Variants in FUT9 observed in about 807,000 individuals in gnomAD.
FUT9 encodes the protein fucosyltransferase 9, also known as 4-galactosyl-N-acetylglucosaminide 3-alpha-L-fucosyltransferase 9.
FUT9 carries 15 observed loss-of-function variants against 29.7 expected under a neutral mutation model. The observed-to-expected ratio is 0.51, with a 90% confidence interval of 0.34 to 0.78. FUT9 has a LOEUF of 0.78. FUT9 is among the 30% of genes least tolerant of loss of function. FUT9 has a pLI of 0.01. For synonymous variants in FUT9, 169 were observed against 153.7 expected (o/e 1.10, Z -0.74); for missense variants, 319 against 425.4 (o/e 0.75, Z 2.20).
intron 1 of FUT9, among the ~76,000 whole-genome samples, chr6:96,109,310 C>A (rs1481299616): frequency 6.6e-6 from 1 of 152,074 alleles, no homozygotes; most frequent in Admixed American, 6.6e-5. Context: ...TTGGTCATTT[C>A]TTTGTTCTTT....
chr6:96,198,838 T>C (rs9391054), intron 2 of FUT9, among the ~76,000 whole-genome samples: 18,868 of 152,124 alleles, frequency 0.12, 1,409 homozygotes, highest in East Asian at 0.18. Context: ...TATCTCATTG[T>C]GGTTTTGATT....
chr6:96,037,552 A>T (rs572794829), intron 1 of FUT9: 1 of 152,054 alleles, frequency 6.6e-6, no homozygotes, highest in Non-Finnish European at 1.5e-5. Context: ...TTTGATATGG[A>T]TGAAGTTGGG....
intron 2 of FUT9, among the ~76,000 whole-genome samples, chr6:96,200,360 T>C (rs1773706443): frequency 6.6e-6 from 1 of 152,158 alleles, no homozygotes; most frequent in South Asian, 2.1e-4. Context: ...TTCACGTTTG[T>C]ATTATTTGTT....
chr6:96,197,774 A>G (rs1161950527), intron 2 of FUT9, among the ~76,000 whole-genome samples: 1 of 152,162 alleles, frequency 6.6e-6, no homozygotes, highest in Non-Finnish European at 1.5e-5. Flanking sequence ...TTGAAGAGGT[A>G]GGTAGTGGCT....
At chr6:96,051,012 CTGTG>C (rs57618987) in intron 1 of FUT9, among the ~76,000 whole-genome samples, 1 of 149,540 alleles carries the variant, frequency 6.7e-6, no homozygotes, top group Non-Finnish European at 1.5e-5. Flanking sequence ...CTCTCTCTCT[CTGTG>C]TGTGTGTGTG....
Position 96,213,739 on chromosome 6 carries a change from AT to A in FUT9, c.*9511del, listed in dbSNP as rs34697788. 1.2e-5 allele frequency: 2 copies of A among 166,756 alleles called. No individual in the cohort carries two copies. Among genetic ancestry groups the A allele is most frequent in the Non-Finnish European group, 2.9e-5 (2 of 67,978 alleles). 10.3% of individuals were successfully genotyped at this position (166,756 alleles called of 1,614,324 possible). On this transcript the variant is annotated 3_prime_UTR_variant, in exon 3 of 3. Coordinates refer to ENST00000302103, the MANE Select transcript of FUT9 (RefSeq NM_006581.4). ...TTGATCAGAAATCATTTTTCTACTTATTTTTTTGTAGAGTATTTTTCCACAC... is the reference window on the plus strand; with the variant it reads ...TTGATCAGAAATCATTTTTCTACTTATTTTTTGTAGAGTATTTTTCCACAC...
rs936771049 is a variant in FUT9 at position 96,174,274 on chromosome 6, G to A, written c.-8-28874G>A. 3.9e-5 allele frequency among the ~76,000 whole-genome samples: 6 copies of A among 152,084 alleles called. No individual in the cohort carries two copies. The South Asian group carries it at 8.3e-4, about 21-fold the overall frequency. On this transcript the variant is annotated intron_variant, in intron 2 of 2. Transcript: ENST00000302103. The stretch of plus-strand genomic sequence containing the variant: ...TTTAAGGGCAGCACATTATTATAGA[G>A]ATGTTAAAGAAACTTAGATTATTAT...
intron 1 of FUT9, among the ~76,000 whole-genome samples, chr6:96,107,360 G>A (rs991146586): frequency 3.3e-5 from 5 of 152,084 alleles, no homozygotes; most frequent in South Asian, 2.1e-4. Context: ...AAAAATATAT[G>A]TACATTCTGC....
At chr6:96,037,261 G>T (rs1290390616) in intron 1 of FUT9, 1 of 151,990 alleles carries the variant, frequency 6.6e-6, no homozygotes, top group Non-Finnish European at 1.5e-5. Flanking sequence ...GTAAACTAAG[G>T]TCTAAGGAAG....
chr6:96,152,339 C>T (rs981091671), intron 2 of FUT9, among the ~76,000 whole-genome samples: 2 of 152,164 alleles, frequency 1.3e-5, no homozygotes, highest in Non-Finnish European at 2.9e-5. Flanking sequence ...ATCGCTCCCA[C>T]AGGCATCTGG....
chr6:96,135,895 C>CCAA, intron 2 of FUT9, among the ~76,000 whole-genome samples: 1 of 150,832 alleles, frequency 6.6e-6, no homozygotes, highest in Admixed American at 6.7e-5. Context: ...CTTTCCAAGA[C>CCAA]CAACACTGTC....
chr6:96,080,885 G>A (rs1771224436), intron 1 of FUT9, among the ~76,000 whole-genome samples: 1 of 151,816 alleles, frequency 6.6e-6, no homozygotes, highest in South Asian at 2.1e-4. Flanking sequence ...TATTTCATTG[G>A]TAAACATATT....
chr6:96,087,257 T>C (rs908048237), intron 1 of FUT9, among the ~76,000 whole-genome samples: 2 of 152,144 alleles, frequency 1.3e-5, no homozygotes, highest in African/African-American at 4.8e-5. Flanking sequence ...TGCTTTCAGA[T>C]TTGTGGTGTA....
intron 1 of FUT9, among the ~76,000 whole-genome samples, chr6:96,046,638 C>T (rs1039214461): frequency 7.9e-5 from 12 of 152,164 alleles, no homozygotes; most frequent in African/African-American, 2.9e-4. Flanking sequence ...ATTTCATGCC[C>T]CTTCCCACAT....
intron 2 of FUT9, among the ~76,000 whole-genome samples, chr6:96,135,428 A>G (rs1187730832): frequency 6.6e-6 from 1 of 151,974 alleles, no homozygotes; most frequent in African/African-American, 2.4e-5. Context: ...AAGGTGTTAA[A>G]GAAGGAATGG....
At position 96,146,974 on chromosome 6, in the gene FUT9, C is replaced by T. The variant is rs76932407; in HGVS notation, c.-9+32847C>T. On this transcript the variant is annotated intron_variant, in intron 2 of 2. Transcript: ENST00000302103. Reference sequence around the variant, plus strand: ...TATATCATAATGAAATATAAAATACCTTACACACAAATGCTTCTCTTTCAG... The same window carrying T: ...TATATCATAATGAAATATAAAATACTTTACACACAAATGCTTCTCTTTCAG... 2.4e-3 allele frequency among the ~76,000 whole-genome samples: 358 copies of T among 152,080 alleles called. 11 individuals are homozygous for T. In the East Asian group the frequency reaches 0.063, roughly 27 times the overall value.
chr6:96,061,897 G>A (rs1165839129), intron 1 of FUT9, among the ~76,000 whole-genome samples: 1 of 152,148 alleles, frequency 6.6e-6, no homozygotes, highest in Admixed American at 6.5e-5. Context: ...GAGAAAAACT[G>A]AACCAATGCC....
chr6:96,186,862 A>C (rs1470423262), intron 2 of FUT9, among the ~76,000 whole-genome samples: 1 of 152,098 alleles, frequency 6.6e-6, no homozygotes, highest in Non-Finnish European at 1.5e-5. Context: ...AAATGGGTTG[A>C]ATGATGTCTA....
chr6:96,078,464 A>C (rs1052529441), intron 1 of FUT9, among the ~76,000 whole-genome samples: 3 of 113,528 alleles, frequency 2.6e-5, no homozygotes. Flanking sequence ...TCTGTCCCAC[A>C]GGCTGGAGTG....
Sources: allele counts gnomAD v4.1 joint callset (sites outside exome capture counted in the v4.1 genomes callset), GRCh38; gene constraint gnomAD v4.1.1; transcripts MANE v1.5; gene names NCBI Gene and HGNC (gene_info 2026-07-23, HGNC 2026-07-21).